Variants in NRXN3 observed in about 807,000 individuals in gnomAD.
NRXN3 encodes neurexin 3, also known as neurexin III.
NRXN3 carries 32 observed loss-of-function variants against 137.6 expected under a neutral mutation model. That is an observed-to-expected ratio of 0.23 (90% confidence interval 0.18 to 0.31). The LOEUF is 0.31. Among genes scored for constraint, NRXN3 ranks in the 10% least tolerant of loss-of-function variants. The pLI is 1.00. For synonymous variants in NRXN3, 798 were observed against 784.5 expected (o/e 1.02, Z -0.29); for missense variants, 1,574 against 2,062.5 (o/e 0.76, Z 4.59).
At chr14:78,411,756 T>C (rs925484819) in intron 4 of NRXN3, among the ~76,000 whole-genome samples, 4 of 152,154 alleles carry the variant, frequency 2.6e-5, no homozygotes, top group African/African-American at 9.7e-5. Context: ...CCTCCCCCTA[T>C]CCAAGCATGG....
At chr14:78,531,785 T>A (rs2096465049) in intron 4 of NRXN3, among the ~76,000 whole-genome samples, 1 of 152,146 alleles carries the variant, frequency 6.6e-6, no homozygotes, top group Admixed American at 6.5e-5. Context: ...TTACTTTTTG[T>A]CCTTAGGGAA....
At chr14:79,289,681 A>G (rs1598347526) in intron 15 of NRXN3, among the ~76,000 whole-genome samples, 1 of 152,202 alleles carries the variant, frequency 6.6e-6, no homozygotes, top group Middle Eastern at 3.4e-3. Flanking sequence ...GTGCCAAGGT[A>G]GGGTTTCTTG....
At chr14:78,857,773 A>C (rs1236719371) in intron 10 of NRXN3, among the ~76,000 whole-genome samples, 4 of 152,140 alleles carry the variant, frequency 2.6e-5, no homozygotes, top group African/African-American at 9.7e-5. Context: ...GTGTGTATGG[A>C]AAAAGTGACT....
At chr14:78,445,321 A>G (rs1477820612) in intron 4 of NRXN3, among the ~76,000 whole-genome samples, 1 of 152,250 alleles carries the variant, frequency 6.6e-6, no homozygotes, top group Non-Finnish European at 1.5e-5. Context: ...ATCTCTCCGG[A>G]ACTCAGGTTG....
intron 4 of NRXN3, among the ~76,000 whole-genome samples, chr14:78,596,379 T>C (rs1210621059): frequency 6.6e-6 from 1 of 152,204 alleles, no homozygotes; most frequent in Non-Finnish European, 1.5e-5. Context: ...GGTGTGGTAC[T>C]GCATCAGCCT....
At chr14:78,917,029 C>T (rs983510995) in intron 10 of NRXN3, among the ~76,000 whole-genome samples, 1 of 152,140 alleles carries the variant, frequency 6.6e-6, no homozygotes, top group Non-Finnish European at 1.5e-5. Flanking sequence ...TGAATTACTT[C>T]TTAAAGACCC....
intron 3 of NRXN3, among the ~76,000 whole-genome samples, chr14:78,296,994 G>A (rs1230650693): frequency 2.0e-5 from 3 of 152,144 alleles, no homozygotes; most frequent in African/African-American, 7.2e-5. Context: ...ATTTATCAAG[G>A]CTTGTGCTTT....
intron 4 of NRXN3, among the ~76,000 whole-genome samples, chr14:78,511,151 G>T (rs1034346463): frequency 6.6e-6 from 1 of 152,082 alleles, no homozygotes; most frequent in Admixed American, 6.6e-5. Context: ...AACAACAACA[G>T]CAGCAGCAAC....
intron 15 of NRXN3, among the ~76,000 whole-genome samples, chr14:79,366,208 T>C (rs2093887412): frequency 6.6e-6 from 1 of 152,196 alleles, no homozygotes; most frequent in Admixed American, 6.5e-5. Context: ...AGTATATATG[T>C]ATGGTATACA....
At chr14:78,851,223 A>G (rs2099041615) in intron 10 of NRXN3, among the ~76,000 whole-genome samples, 1 of 152,134 alleles carries the variant, frequency 6.6e-6, no homozygotes, top group South Asian at 2.1e-4. Flanking sequence ...ATACTGGTAA[A>G]TGTTTAATTT....
intron 10 of NRXN3, among the ~76,000 whole-genome samples, chr14:78,885,584 AT>A (rs1452826869): frequency 6.6e-6 from 1 of 152,050 alleles, no homozygotes; most frequent in Admixed American, 6.6e-5. Flanking sequence ...GTCTTTCCAA[AT>A]TTGTATGATG....
intron 15 of NRXN3, among the ~76,000 whole-genome samples, chr14:79,235,669 T>C (rs1029370746): frequency 2.6e-5 from 4 of 152,076 alleles, no homozygotes; most frequent in African/African-American, 9.7e-5. Flanking sequence ...AGAAAAATAA[T>C]TATAGAAAGG....
At chr14:78,765,738 T>TATAC (rs2098706841) in intron 8 of NRXN3, among the ~76,000 whole-genome samples, 1 of 151,264 alleles carries the variant, frequency 6.6e-6, no homozygotes, top group African/African-American at 2.4e-5. Context: ...TATATATATA[T>TATAC]ACACACACAC....
chr14:79,378,562 G>A (rs535789100), intron 15 of NRXN3, among the ~76,000 whole-genome samples: 1 of 152,288 alleles, frequency 6.6e-6, no homozygotes, highest in Admixed American at 6.5e-5. Context: ...TTCCTAGAGT[G>A]CTTTATATGG....
chr14:78,457,009 C>T (rs1220705827), intron 4 of NRXN3, among the ~76,000 whole-genome samples: 1 of 148,718 alleles, frequency 6.7e-6, no homozygotes, highest in African/African-American at 2.5e-5. Flanking sequence ...TTCTCTTCCT[C>T]CTCCTCATCT....
At chr14:78,878,875 C>T (rs1283412217) in intron 10 of NRXN3, among the ~76,000 whole-genome samples, 1 of 152,106 alleles carries the variant, frequency 6.6e-6, no homozygotes, top group Admixed American at 6.5e-5. Context: ...ACCTCAGCAC[C>T]TGGTAACCAC....
chr14:78,217,751 TC>T (rs1023362620), intron 1 of NRXN3, among the ~76,000 whole-genome samples: 29 of 152,206 alleles, frequency 1.9e-4, no homozygotes, highest in Admixed American at 5.2e-4. Flanking sequence ...AAACTCCACC[TC>T]CTAGGTTCAA....
At chr14:79,108,763 G>C (rs755289913) in intron 15 of NRXN3, among the ~76,000 whole-genome samples, 1 of 152,120 alleles carries the variant, frequency 6.6e-6, no homozygotes, top group African/African-American at 2.4e-5. Context: ...AACTTGAAGG[G>C]AGAAAGAAAT....
At chr14:79,210,123 A>G (rs1205645890) in intron 15 of NRXN3, among the ~76,000 whole-genome samples, 3 of 152,178 alleles carry the variant, frequency 2.0e-5, no homozygotes. Flanking sequence ...GCCTTTGGGT[A>G]ACCACCTTAA....
Sources: allele counts gnomAD v4.1 joint callset (sites outside exome capture counted in the v4.1 genomes callset), GRCh38; gene constraint gnomAD v4.1.1; transcripts MANE v1.5; gene names NCBI Gene and HGNC (gene_info 2026-07-23, HGNC 2026-07-21).